NAALADL2: variants seen among roughly 807,000 people sequenced by gnomAD.
NAALADL2 encodes inactive N-acetylated-alpha-linked acidic dipeptidase-like protein 2.
A neutral mutation model predicts 87.2 loss-of-function variants in NAALADL2; 76 were observed. The observed-to-expected ratio is 0.87, with a 90% confidence interval of 0.72 to 1.05. The LOEUF (loss-of-function observed/expected upper bound fraction) is 1.05. NAALADL2 is among the 50% of genes least tolerant of loss of function. NAALADL2 has a pLI of 0.00. For missense variants in NAALADL2, 1,089 were observed against 945.8 expected, an observed-to-expected ratio of 1.15 and a Z score of -1.99; for synonymous variants, 354 against 331.0, an observed-to-expected ratio of 1.07 and a Z score of -0.75.
intron 1 of NAALADL2, among the ~76,000 whole-genome samples, chr3:174,877,060 G>A (rs1344660466): frequency 6.6e-6 from 1 of 151,966 alleles, no homozygotes; most frequent in Non-Finnish European, 1.5e-5. Flanking sequence ...ACAACCCCAA[G>A]ACTATTTAAA....
chr3:175,579,734 C>A (rs549368976), intron 10 of NAALADL2, among the ~76,000 whole-genome samples: 46 of 152,172 alleles, frequency 3.0e-4, no homozygotes, highest in Admixed American at 1.4e-3. Flanking sequence ...AAGGAAAAGA[C>A]AGATGCTTTC....
intron 11 of NAALADL2, among the ~76,000 whole-genome samples, chr3:175,698,721 G>T (rs1175654325): frequency 6.6e-6 from 1 of 151,518 alleles, no homozygotes; most frequent in Non-Finnish European, 1.5e-5. Context: ...TTAAGTTAAA[G>T]ACATTATAAC....
chr3:174,444,195 T>C (rs1714874680), intron 1 of NAALADL2, among the ~76,000 whole-genome samples: 1 of 152,116 alleles, frequency 6.6e-6, no homozygotes, highest in Admixed American at 6.5e-5. Context: ...AAAGGATACA[T>C]GCATACAACA....
At chr3:175,652,721 G>A (rs549749722) in intron 11 of NAALADL2, among the ~76,000 whole-genome samples, 28 of 152,012 alleles carry the variant, frequency 1.8e-4, no homozygotes, top group Non-Finnish European at 3.7e-4. Context: ...CTCGTGATCC[G>A]CCCGCCTCGG....
intron 1 of NAALADL2, among the ~76,000 whole-genome samples, chr3:174,959,922 A>C (rs1218366058): frequency 6.6e-6 from 1 of 152,038 alleles, no homozygotes. Context: ...ATCTTATATG[A>C]AAGTATCGAA....
At chr3:175,326,201 C>A (rs1428740255) in intron 5 of NAALADL2, among the ~76,000 whole-genome samples, 1 of 152,204 alleles carries the variant, frequency 6.6e-6, no homozygotes, top group East Asian at 1.9e-4. Context: ...AAATTCGTTG[C>A]CACTTTGTAA....
intron 1 of NAALADL2, among the ~76,000 whole-genome samples, chr3:175,033,731 A>G (rs1461085358): frequency 2.0e-5 from 3 of 152,100 alleles, no homozygotes; most frequent in Non-Finnish European, 4.4e-5. Context: ...GGAATATCAC[A>G]AGCTCAATGC....
At position 174,697,175 on chromosome 3, in the gene NAALADL2, C is replaced by A. The variant is rs145572070; in HGVS notation, c.-114-40466C>A. Among the ~76,000 whole-genome samples, 350 of 152,178 alleles carry A rather than the reference C, an allele frequency of 2.3e-3. 3 individuals are homozygous for A. Among genetic ancestry groups the A allele is most frequent in the African/African-American group, 8.0e-3 (332 of 41,526 alleles). ...TGATGATAGCAATGCCATAATTTTACTTATTCTTAAAGAGTTTATACTATG... is the reference window on the plus strand; with the variant it reads ...TGATGATAGCAATGCCATAATTTTAATTATTCTTAAAGAGTTTATACTATG... On this transcript the variant is annotated intron_variant, in intron 2 of 3. Coordinates refer to the NAALADL2 transcript ENST00000434257.
At chr3:174,936,265 T>C (rs1198664591) in intron 1 of NAALADL2, among the ~76,000 whole-genome samples, 1 of 152,070 alleles carries the variant, frequency 6.6e-6, no homozygotes, top group East Asian at 1.9e-4. Context: ...AAATAGGTGT[T>C]TTCTATATTT....
At chr3:174,824,977 G>A (rs1348808072) in intron 3 of NAALADL2, among the ~76,000 whole-genome samples, 1 of 152,124 alleles carries the variant, frequency 6.6e-6, no homozygotes, top group African/African-American at 2.4e-5. Flanking sequence ...AATTCTCATT[G>A]ATTAATTCTA....
At chr3:174,521,960 G>A (rs546195413) in intron 1 of NAALADL2, among the ~76,000 whole-genome samples, 12 of 151,976 alleles carry the variant, frequency 7.9e-5, no homozygotes, top group Non-Finnish European at 5.9e-5. Flanking sequence ...ATAGCCAGGC[G>A]TGGTGGCATG....
At chr3:175,423,051 A>ATATTTTTT (rs1458599872) in intron 5 of NAALADL2, among the ~76,000 whole-genome samples, 1 of 91,504 alleles carries the variant, frequency 1.1e-5, no homozygotes, top group African/African-American at 4.2e-5. Context: ...ATATATATAT[A>ATATTTTTT]TTTTTTTTTT....
chr3:175,188,995 TG>T (rs1403970055), intron 2 of NAALADL2, among the ~76,000 whole-genome samples: 1 of 152,152 alleles, frequency 6.6e-6, no homozygotes, highest in African/African-American at 2.4e-5. Context: ...GCCTGAGATG[TG>T]GGGATGAGCC....
chr3:175,237,552 T>C (rs1014989914), intron 3 of NAALADL2, among the ~76,000 whole-genome samples: 8 of 152,168 alleles, frequency 5.3e-5, no homozygotes, highest in African/African-American at 1.9e-4. Flanking sequence ...TGGTTATATG[T>C]TCGATATGTT....
chr3:175,656,830 T>G (rs936783628), intron 11 of NAALADL2, among the ~76,000 whole-genome samples: 1 of 152,044 alleles, frequency 6.6e-6, no homozygotes, highest in Non-Finnish European at 1.5e-5. Flanking sequence ...TGAAAGCAAA[T>G]TTTTTGCTGG....
At chr3:175,012,428 A>T (rs1749957002) in intron 1 of NAALADL2, among the ~76,000 whole-genome samples, 1 of 152,172 alleles carries the variant, frequency 6.6e-6, no homozygotes, top group African/African-American at 2.4e-5. Context: ...ACGGCCTCCC[A>T]AATTGTTGGG....
At chr3:175,582,111 T>C (rs1476601922) in intron 10 of NAALADL2, among the ~76,000 whole-genome samples, 1 of 152,078 alleles carries the variant, frequency 6.6e-6, no homozygotes, top group Non-Finnish European at 1.5e-5. Flanking sequence ...AAAACCTTGA[T>C]TGTACAGTAT....
chr3:175,118,008 T>A (rs1468835367), intron 2 of NAALADL2, among the ~76,000 whole-genome samples: 1 of 151,818 alleles, frequency 6.6e-6, no homozygotes, highest in African/African-American at 2.4e-5. Flanking sequence ...AGCAAACTAT[T>A]GCAAGGACAG....
intron 13 of NAALADL2, among the ~76,000 whole-genome samples, chr3:175,793,402 C>A (rs1275888421): frequency 6.6e-6 from 1 of 151,296 alleles, no homozygotes; most frequent in Non-Finnish European, 1.5e-5. Flanking sequence ...CTCGGCCACC[C>A]GTGTTCACGC....
Sources: allele counts gnomAD v4.1 joint callset (sites outside exome capture counted in the v4.1 genomes callset), GRCh38; gene constraint gnomAD v4.1.1; transcripts MANE v1.5; gene names NCBI Gene and HGNC (gene_info 2026-07-23, HGNC 2026-07-21).